The following MYO18B variants were observed in gnomAD, a reference collection of about 807,000 sequenced individuals.
MYO18B encodes myosin XVIIIB.
Under a neutral mutation model 273.0 loss-of-function variants are expected in MYO18B, and 204 were observed. That is an observed-to-expected ratio of 0.75 (90% CI 0.67 to 0.84). The LOEUF (loss-of-function observed/expected upper bound fraction) is 0.84, where lower values mean the gene tolerates loss of function less well. Among genes scored for constraint, MYO18B ranks in the 40% least tolerant of loss-of-function variants. The probability of loss-of-function intolerance (pLI) is 0.00; values close to 1 mark genes in which losing one functional copy is unlikely to be tolerated. For missense variants in MYO18B, 3,212 were observed against 3,287.6 expected, an observed-to-expected ratio of 0.98 and a Z score of 0.56; for synonymous variants, 1,330 against 1,305.7, an observed-to-expected ratio of 1.02 and a Z score of -0.40.
chr22:25,847,020 C>T lies in MYO18B; in HGVS notation c.3553-410C>T, dbSNP rs146663214. 6.4e-3 allele frequency among the ~76,000 whole-genome samples: 964 copies of T among 150,916 alleles called. 15 individuals carry two copies. Among genetic ancestry groups the T allele is most frequent in the African/African-American group, 0.022 (921 of 41,000 alleles). On this transcript the variant is annotated intron_variant, in intron 19 of 43. Transcript: ENST00000335473. ...GCTTGAACCTGGGAGGAGGAGGTTG[C>T]AGCGAGCTGAGATCGTGCCACTGCA...
intron 32 of MYO18B, 34 bp downstream of exon 32, chr22:25,908,466 A>G: frequency 6.5e-7 from 1 of 1,538,356 alleles, no homozygotes; most frequent in South Asian, 1.2e-5. Flanking sequence ...GTGCCCTTGG[A>G]TCCTGGCAGG....
At chr22:25,831,117 C>T (rs924206042) in intron 15 of MYO18B, among the ~76,000 whole-genome samples, 21 of 152,176 alleles carry the variant, frequency 1.4e-4, no homozygotes, top group Admixed American at 9.2e-4. Context: ...GTTGTTGTTA[C>T]CATTTTCCCT....
Position 25,955,418 on chromosome 22 carries a change from A to G in MYO18B, c.6156+54A>G. 3.3e-6 allele frequency: 5 copies of G among 1,537,114 alleles called. 1 individual carries two copies. In the South Asian group the frequency reaches 6.2e-5, roughly 19 times the overall value. On this transcript the variant is annotated intron_variant, in intron 39 of 43. Transcript: ENST00000335473. ...AGCGACTGAGGGTTTGCAATGTGGT[A>G]GACCCCCCTTTCTTAAGACTTCTGA...
intron 11 of MYO18B, among the ~76,000 whole-genome samples, chr22:25,796,862 G>A (rs2087935834): frequency 6.6e-6 from 1 of 152,194 alleles, no homozygotes; most frequent in Admixed American, 6.5e-5. Flanking sequence ...CATGGTTGAG[G>A]CCTTCAAGGG....
chr22:25,883,522 A>G lies in MYO18B; in HGVS notation c.4314+5474A>G, dbSNP rs1447223250. 1.3e-5 allele frequency: 2 copies of G among 152,186 alleles called. No individual in the cohort carries two copies. Among genetic ancestry groups the G allele is most frequent in the Non-Finnish European group, 2.9e-5 (2 of 68,034 alleles). The allele number at this position is 152,186 out of a possible 1,614,324, so 9.4% of individuals were successfully genotyped here. On this transcript the variant is annotated intron_variant, in intron 25 of 43. Coordinates refer to ENST00000335473, the MANE Select transcript of MYO18B (RefSeq NM_032608.7). This position sits in a 1 kb window ranked among gnomAD's most constrained non-coding sequence, Gnocchi z 7.6. ...GAGTGCTAAAGGTGCCTGTCCTGGG[A>G]CCACACTTTGAGACACATTAGGCCA...
At chr22:25,870,515 G>A (rs11090417) in intron 22 of MYO18B, among the ~76,000 whole-genome samples, 13,882 of 152,210 alleles carry the variant, frequency 0.091, 796 homozygotes, top group African/African-American at 0.16. Flanking sequence ...ATAATGTTAT[G>A]GGCTCGCTGT....
intron 1 of MYO18B, among the ~76,000 whole-genome samples, chr22:25,754,803 G>A (rs9624890): frequency 0.11 from 16,222 of 152,282 alleles, 1,192 homozygotes; most frequent in East Asian, 0.28. Context: ...GGCAGGACAT[G>A]AGGGGTGAGG....
At chr22:25,882,898 T>C (rs2146229172) in intron 25 of MYO18B, among the ~76,000 whole-genome samples, 1 of 152,228 alleles carries the variant, frequency 6.6e-6, no homozygotes, top group African/African-American at 2.4e-5. Context: ...GTTAATTAAT[T>C]TTTATTTTTA....
At chr22:25,923,516 T>A (rs1225166731) in intron 34 of MYO18B, among the ~76,000 whole-genome samples, 2 of 152,236 alleles carry the variant, frequency 1.3e-5, no homozygotes, top group Non-Finnish European at 2.9e-5. Flanking sequence ...GCAAGTGGTG[T>A]GTCCAAAGTA....
intron 17 of MYO18B, among the ~76,000 whole-genome samples, chr22:25,841,403 T>C (rs1425495074): frequency 1.3e-5 from 2 of 151,708 alleles, no homozygotes; most frequent in African/African-American, 4.8e-5. Context: ...AAGGAGTGAA[T>C]GAGGGGAACA....
intron 1 of MYO18B, among the ~76,000 whole-genome samples, chr22:25,749,363 G>T (rs569077984): frequency 2.6e-5 from 4 of 152,360 alleles, no homozygotes; most frequent in Non-Finnish European, 4.4e-5. Flanking sequence ...GAGAGGAGGG[G>T]TGATTTAGGA....
intron 13 of MYO18B, among the ~76,000 whole-genome samples, chr22:25,825,385 G>A (rs772257643): frequency 1.3e-5 from 2 of 152,124 alleles, no homozygotes; most frequent in Non-Finnish European, 2.9e-5. Flanking sequence ...GCACTAGTGC[G>A]CACTGATTTG....
chr22:26,055,229 C>G, the MYO18B span, among the ~76,000 whole-genome samples: 2 of 152,196 alleles, frequency 1.3e-5, no homozygotes, highest in African/African-American at 2.4e-5. Flanking sequence ...CTCTATCCAC[C>G]AAGCCCTTGG....
chr22:25,851,665 G>A lies in MYO18B; in HGVS notation c.3885+86G>A. ...CATGTTCCAAGGCTGGGCACGGTGA[G>A]TGGCTCATGCCTGTAATCTCAGTGC... On this transcript the variant is annotated intron_variant, in intron 21 of 43. Coordinates refer to ENST00000335473, the MANE Select transcript of MYO18B (RefSeq NM_032608.7). 5.1e-6 allele frequency: 5 copies of A among 989,902 alleles called. No individual in the cohort carries two copies. The South Asian group carries it at 6.9e-5, about 14-fold the overall frequency. The allele number at this position is 989,902 out of a possible 1,614,324, so 61.3% of individuals were successfully genotyped here.
rs2091397728 is a variant in MYO18B at position 25,883,251 on chromosome 22, C to T, written c.4314+5203C>T. 1 of 152,238 alleles carries T rather than the reference C, an allele frequency of 6.6e-6. No individual in the cohort carries two copies. Among genetic ancestry groups the T allele is most frequent in the Non-Finnish European group, 1.5e-5 (1 of 68,060 alleles). 9.4% of individuals were successfully genotyped at this position (152,238 alleles called of 1,614,324 possible). ...GGAACAGTTAGCTCTGTATCTTCCC[C>T]AGTCCACCTCCTGAGGGTCTGACCC... On this transcript the variant is annotated intron_variant, in intron 25 of 43. Coordinates refer to ENST00000335473, the MANE Select transcript of MYO18B (RefSeq NM_032608.7). This position sits in a 1 kb window ranked among gnomAD's most constrained non-coding sequence, Gnocchi z 7.6.
intron 39 of MYO18B, among the ~76,000 whole-genome samples, chr22:25,969,833 T>C (rs2093017492): frequency 6.6e-6 from 1 of 152,242 alleles, no homozygotes; most frequent in South Asian, 2.1e-4. Context: ...TTGCAACTGC[T>C]TCACAGCATT....
At chr22:25,886,766 G>A (rs2091512800) in intron 25 of MYO18B, among the ~76,000 whole-genome samples, 1 of 152,164 alleles carries the variant, frequency 6.6e-6, no homozygotes, top group African/African-American at 2.4e-5. Context: ...GAAAATAGTG[G>A]GGTTGTTGTG....
chr22:26,055,839 C>T, the MYO18B span, among the ~76,000 whole-genome samples: 1 of 152,072 alleles, frequency 6.6e-6, no homozygotes, highest in Non-Finnish European at 1.5e-5. Context: ...AAACAGCAGG[C>T]ACCTAATGAG....
At chr22:25,836,349 G>C (rs1485234496) in intron 17 of MYO18B, among the ~76,000 whole-genome samples, 1 of 152,158 alleles carries the variant, frequency 6.6e-6, no homozygotes, top group Non-Finnish European at 1.5e-5. Flanking sequence ...AATATTATGT[G>C]CATGCAGAGC....
Sources: allele counts gnomAD v4.1 joint callset (sites outside exome capture counted in the v4.1 genomes callset), GRCh38; gene constraint gnomAD v4.1.1; non-coding constraint Gnocchi (gnomAD v3.1); transcripts MANE v1.5; gene names NCBI Gene and HGNC (gene_info 2026-07-23, HGNC 2026-07-21).